Variants in CNTNAP2 observed in about 807,000 individuals in gnomAD.
The protein encoded by CNTNAP2 is contactin-associated protein-like 2.
A neutral mutation model predicts 155.2 loss-of-function variants in CNTNAP2; 98 were observed. That is an observed-to-expected ratio of 0.63 (90% CI 0.54 to 0.75). The LOEUF (loss-of-function observed/expected upper bound fraction) is 0.75, where lower values mean the gene tolerates loss of function less well. Among genes scored for constraint, CNTNAP2 ranks in the 30% least tolerant of loss-of-function variants. CNTNAP2 has a pLI of 0.00. For missense variants in CNTNAP2, 1,727 were observed against 1,688.1 expected (o/e 1.02, Z -0.40); for synonymous variants, 651 against 631.2 (o/e 1.03, Z -0.47).
Position 148,092,752 on chromosome 7 carries a change from A to G in CNTNAP2, c.2384-25366A>G, listed in dbSNP as rs189962551. On this transcript the variant is annotated intron_variant, in intron 15 of 23. Coordinates refer to ENST00000361727, the MANE Select transcript of CNTNAP2 (RefSeq NM_014141.6). Reference sequence around the variant, plus strand: ...TGCTACTATAAATGCTTTGATTAACATTAGAGGAAGAGGACGACAGAAAGC... The same window carrying G: ...TGCTACTATAAATGCTTTGATTAACGTTAGAGGAAGAGGACGACAGAAAGC... 1.3e-4 allele frequency among the ~76,000 whole-genome samples: 20 copies of G among 152,250 alleles called. No individual in the cohort carries two copies. The East Asian group carries it at 3.7e-3, about 28-fold the overall frequency.
chr7:147,416,061 G>A (rs1236689281), intron 10 of CNTNAP2, among the ~76,000 whole-genome samples: 2 of 152,162 alleles, frequency 1.3e-5, no homozygotes, highest in Non-Finnish European at 2.9e-5. Flanking sequence ...TATAGTTTTT[G>A]CAGTCTTATA....
intron 3 of CNTNAP2, among the ~76,000 whole-genome samples, chr7:146,983,477 T>A (rs552495646): frequency 6.6e-6 from 1 of 152,224 alleles, no homozygotes; most frequent in African/African-American, 2.4e-5. Context: ...AAGCAAAAAG[T>A]ATTAATGCAC....
intron 8 of CNTNAP2, among the ~76,000 whole-genome samples, chr7:147,239,723 T>G (rs947536039): frequency 3.9e-5 from 6 of 152,134 alleles, no homozygotes; most frequent in Admixed American, 3.9e-4. Context: ...CAAAACACAT[T>G]GTAAATTCTA....
chr7:147,242,985 G>C (rs1431465760), intron 8 of CNTNAP2, among the ~76,000 whole-genome samples: 1 of 46,834 alleles, frequency 2.1e-5, no homozygotes, highest in Non-Finnish European at 3.5e-5. Context: ...ACTATGCTTT[G>C]CATTTTTTTT....
chr7:146,885,267 C>T (rs1427868625), intron 3 of CNTNAP2, among the ~76,000 whole-genome samples: 3 of 152,050 alleles, frequency 2.0e-5, no homozygotes, highest in Non-Finnish European at 2.9e-5. Flanking sequence ...AAACCTGCAG[C>T]TTACATCAAA....
chr7:147,048,276 T>C (rs1052740055), intron 4 of CNTNAP2, among the ~76,000 whole-genome samples: 4 of 151,760 alleles, frequency 2.6e-5, no homozygotes, highest in Non-Finnish European at 5.9e-5. Context: ...ATTTCACAGA[T>C]GGGAAAGAAG....
At chr7:147,633,665 A>G (rs1795128144) in intron 12 of CNTNAP2, among the ~76,000 whole-genome samples, 2 of 151,596 alleles carry the variant, frequency 1.3e-5, no homozygotes, top group Non-Finnish European at 2.9e-5. Context: ...GTTTCCCCAC[A>G]TCTTGTTGTT....
intron 13 of CNTNAP2, among the ~76,000 whole-genome samples, chr7:147,652,308 C>T (rs999701481): frequency 4.6e-5 from 7 of 152,124 alleles, no homozygotes; most frequent in Admixed American, 2.0e-4. Flanking sequence ...ACCTTCATCC[C>T]GTATCTTAAA....
chr7:148,404,091 A>G (rs999940674), intron 22 of CNTNAP2, among the ~76,000 whole-genome samples: 7 of 152,240 alleles, frequency 4.6e-5, no homozygotes, highest in Admixed American at 4.6e-4. Flanking sequence ...TCAAAATTCT[A>G]CCTGCATAGA....
chr7:146,272,664 G>A (rs1044481223), intron 1 of CNTNAP2, among the ~76,000 whole-genome samples: 2 of 152,056 alleles, frequency 1.3e-5, no homozygotes, highest in Non-Finnish European at 2.9e-5. Flanking sequence ...CAGTGTGTGT[G>A]TGTGTATGTG....
chr7:147,881,242 A>G (rs1799515265), intron 13 of CNTNAP2, among the ~76,000 whole-genome samples: 2 of 152,226 alleles, frequency 1.3e-5, no homozygotes, highest in South Asian at 2.1e-4. Context: ...GGAATTGAGT[A>G]TATGTAGCAC....
intron 8 of CNTNAP2, among the ~76,000 whole-genome samples, chr7:147,295,474 C>A (rs143557796): frequency 6.6e-6 from 1 of 152,250 alleles, no homozygotes; most frequent in East Asian, 1.9e-4. Flanking sequence ...TTGGTAGACT[C>A]AGTCCTTCCC....
chr7:146,169,105 T>C (rs781003967), intron 1 of CNTNAP2, among the ~76,000 whole-genome samples: 2 of 152,212 alleles, frequency 1.3e-5, no homozygotes, highest in African/African-American at 4.8e-5. Flanking sequence ...TCAGTTCAAT[T>C]ATCACTTTCT....
intron 15 of CNTNAP2, among the ~76,000 whole-genome samples, chr7:148,061,637 G>A (rs901487843): frequency 1.3e-5 from 2 of 151,534 alleles, no homozygotes; most frequent in African/African-American, 4.9e-5. Flanking sequence ...TTACAGGTGT[G>A]AGCCACCACA....
intron 15 of CNTNAP2, among the ~76,000 whole-genome samples, chr7:148,049,430 T>C (rs1802842151): frequency 7.6e-6 from 1 of 131,406 alleles, no homozygotes; most frequent in South Asian, 2.4e-4. Flanking sequence ...CTAATATATT[T>C]CTAAGATTTT....
intron 13 of CNTNAP2, among the ~76,000 whole-genome samples, chr7:147,876,398 A>G (rs947424396): frequency 6.6e-6 from 1 of 152,198 alleles, no homozygotes; most frequent in Non-Finnish European, 1.5e-5. Flanking sequence ...TATATTGCTC[A>G]GCCAAAATAA....
chr7:146,437,062 G>A (rs1796254054), intron 1 of CNTNAP2, among the ~76,000 whole-genome samples: 1 of 151,458 alleles, frequency 6.6e-6, no homozygotes, highest in Non-Finnish European at 1.5e-5. Flanking sequence ...TGGCAAGTGA[G>A]CATTACTGTC....
intron 13 of CNTNAP2, among the ~76,000 whole-genome samples, chr7:147,710,645 G>C (rs1027929839): frequency 6.6e-6 from 1 of 151,890 alleles, no homozygotes; most frequent in Non-Finnish European, 1.5e-5. Context: ...TGCTCTTTTA[G>C]AACTATAATC....
intron 11 of CNTNAP2, among the ~76,000 whole-genome samples, chr7:147,535,141 C>T (rs892355256): frequency 1.3e-5 from 2 of 152,068 alleles, no homozygotes; most frequent in Admixed American, 6.6e-5. Flanking sequence ...GCCTATAATC[C>T]CAGCACTTTG....
Sources: gnomAD v4.1 joint callset for allele counts (sites outside exome capture counted in the v4.1 genomes callset) on GRCh38, gnomAD v4.1.1 for gene constraint, MANE v1.5 for transcripts, NCBI Gene and HGNC (gene_info 2026-07-23, HGNC 2026-07-21) for gene names.